Variants in GPHN observed in about 807,000 individuals in gnomAD.
GPHN encodes gephyrin.
GPHN carries 17 observed loss-of-function variants against 95.5 expected under a neutral mutation model. That is an observed-to-expected ratio of 0.18 (90% confidence interval 0.12 to 0.27). The LOEUF (loss-of-function observed/expected upper bound fraction) is 0.27, where lower values mean the gene tolerates loss of function less well. Among genes scored for constraint, GPHN ranks in the 10% least tolerant of loss-of-function variants. The probability of loss-of-function intolerance (pLI) is 1.00; values close to 1 mark genes in which losing one functional copy is unlikely to be tolerated. For synonymous variants in GPHN, 320 were observed against 322.5 expected (o/e 0.99, Z 0.08); for missense variants, 660 against 978.1 (o/e 0.67, Z 4.34).
the GPHN span, chr14:67,570,650 A>G: frequency 6.6e-6 from 1 of 152,302 alleles, no homozygotes; most frequent in East Asian, 1.9e-4. Context: ...AGGTGCTCAT[A>G]TACATGTCAT....
At chr14:67,724,972 G>A in the GPHN span, 1 of 1,115,724 alleles carries the variant, frequency 9.0e-7, no homozygotes, top group East Asian at 2.3e-5. Flanking sequence ...GTGGCAATAT[G>A]TTCACTCTAC....
chr14:66,848,328 G>C (rs1191258125), intron 4 of GPHN, among the ~76,000 whole-genome samples: 1 of 151,922 alleles, frequency 6.6e-6, no homozygotes, highest in Non-Finnish European at 1.5e-5. Flanking sequence ...TTAAGCAGAG[G>C]TCCTCAAAGA....
intron 20 of GPHN, among the ~76,000 whole-genome samples, chr14:67,166,193 A>G (rs1288670619): frequency 6.6e-6 from 1 of 152,264 alleles, no homozygotes; most frequent in Non-Finnish European, 1.5e-5. Context: ...AAAAGAGATT[A>G]GATTTCTATC....
Position 66,813,308 on chromosome 14 carries a change from C to T in GPHN, c.202-11166C>T, listed in dbSNP as rs150142836. Among the ~76,000 whole-genome samples, 37 of 152,294 alleles carry T rather than the reference C, an allele frequency of 2.4e-4. No individual in the cohort carries two copies. The East Asian group carries it at 5.4e-3, about 22-fold the overall frequency. On this transcript the variant is annotated intron_variant, in intron 3 of 22. Transcript: ENST00000478722. ...GCCAACTAGACACAGACAAGTGGAA[C>T]AGCTCCCATGGAAGTACTGAGACAA...
the GPHN span, chr14:67,589,538 CTG>C: frequency 1.0e-6 from 1 of 985,220 alleles, no homozygotes. Context: ...AACCAGGTAA[CTG>C]TGTGTTTTGG....
the GPHN span, chr14:67,254,382 T>C: frequency 1.3e-5 from 2 of 152,136 alleles, no homozygotes; most frequent in Non-Finnish European, 2.9e-5. Context: ...CTTTTATTCT[T>C]ATTTCTTGTT....
At chr14:67,593,788 T>G in the GPHN span, 1 of 1,613,788 alleles carries the variant, frequency 6.2e-7, no homozygotes, top group Non-Finnish European at 8.5e-7. Flanking sequence ...CCTTGCCCAT[T>G]TCTATGAAGG....
rs59361408 is a variant in GPHN at position 67,044,803 on chromosome 14, CTCTCTGTCTCTCTCG to C, written c.1007-13832_1007-13818del. On this transcript the variant is annotated intron_variant, in intron 10 of 22. Coordinates refer to ENST00000478722, the MANE Select transcript of GPHN (RefSeq NM_020806.5). ...TCTCTCTCTGTCTTTCTCTCTGTCT[CTCTCTGTCTCTCTCG>C]TCTCTGTCTCTCTGTTGGTGTGTCT... 1.6e-3 allele frequency among the ~76,000 whole-genome samples: 243 copies of C among 151,924 alleles called. 4 individuals are homozygous for C. The East Asian group carries it at 0.041, about 26-fold the overall frequency.
chr14:67,698,447 A>C, the GPHN span, among the ~76,000 whole-genome samples: 1 of 152,176 alleles, frequency 6.6e-6, no homozygotes, highest in East Asian at 1.9e-4. Context: ...CCTGGGTGGC[A>C]GAGCAAAAAC....
At chr14:67,324,063 T>A in the GPHN span, among the ~76,000 whole-genome samples, 10 of 152,212 alleles carry the variant, frequency 6.6e-5, no homozygotes, top group African/African-American at 2.2e-4. Flanking sequence ...TCTAGGGAGA[T>A]GTGACTGCCA....
intron 5 of GPHN, among the ~76,000 whole-genome samples, chr14:66,915,369 T>C (rs1267004916): frequency 6.6e-6 from 1 of 152,214 alleles, no homozygotes; most frequent in Non-Finnish European, 1.5e-5. Flanking sequence ...CTTTGCTCCT[T>C]GACTCCAGTC....
intron 10 of GPHN, among the ~76,000 whole-genome samples, chr14:67,056,349 G>A (rs1346490822): frequency 2.6e-5 from 4 of 151,698 alleles, no homozygotes; most frequent in Non-Finnish European, 4.4e-5. Context: ...GCACTGATTG[G>A]TGCATTTACA....
At chr14:67,144,267 A>G (rs868868682) in intron 18 of GPHN, among the ~76,000 whole-genome samples, 36 of 107,820 alleles carry the variant, frequency 3.3e-4, no homozygotes, top group African/African-American at 1.3e-3. Flanking sequence ...ATATATATAT[A>G]TATATATATA....
the GPHN span, among the ~76,000 whole-genome samples, chr14:67,518,221 G>A: frequency 9.2e-5 from 14 of 152,190 alleles, no homozygotes; most frequent in Non-Finnish European, 7.3e-5. Context: ...CAAGAGGAGC[G>A]GTGTGGTGGT....
chr14:67,593,496 A>T, the GPHN span: 2 of 459,160 alleles, frequency 4.4e-6, no homozygotes, highest in South Asian at 2.4e-5. Context: ...GTCTCAAAAA[A>T]AAAAAAAGAA....
chr14:66,837,577 T>G (rs1227591794), intron 4 of GPHN, among the ~76,000 whole-genome samples: 1 of 148,618 alleles, frequency 6.7e-6, no homozygotes, highest in Non-Finnish European at 1.5e-5. Context: ...ACATGTACCC[T>G]AAAACTTAAA....
the GPHN span, among the ~76,000 whole-genome samples, chr14:67,463,641 A>G: frequency 3.6e-5 from 4 of 109,840 alleles, no homozygotes; most frequent in African/African-American, 1.0e-4. Flanking sequence ...TCCGTCTCAA[A>G]AAAAAAAAAA....
rs76967963 is a variant in GPHN at position 66,970,085 on chromosome 14, G to GTTT, written c.963+4776_963+4778dup. On this transcript the variant is annotated intron_variant, in intron 9 of 22. Coordinates refer to ENST00000478722, the MANE Select transcript of GPHN (RefSeq NM_020806.5). ...GTGCTTAGAATAACCAGCAAGTTGT[G>GTTT]TTTTTTTTTTTTTTTTTTGCTCTTA... 1.9e-4 allele frequency among the ~76,000 whole-genome samples: 19 copies of GTTT among 99,036 alleles called. 1 individual carries two copies. Among genetic ancestry groups the GTTT allele is most frequent in the African/African-American group, 4.3e-4 (12 of 27,826 alleles). The allele number at this position is 99,036 out of a possible 152,430, so 65.0% of individuals were successfully genotyped here.
the GPHN span, among the ~76,000 whole-genome samples, chr14:67,211,646 C>T: frequency 6.6e-6 from 1 of 151,958 alleles, no homozygotes; most frequent in African/African-American, 2.4e-5. Flanking sequence ...TAAAAAATAA[C>T]CTGGGCAAAG....
Sources: gnomAD v4.1 joint callset for allele counts (sites outside exome capture counted in the v4.1 genomes callset) on GRCh38, gnomAD v4.1.1 for gene constraint, MANE v1.5 for transcripts, NCBI Gene and HGNC (gene_info 2026-07-23, HGNC 2026-07-21) for gene names.